The following MGAT4C variants were observed in gnomAD, a reference collection of about 807,000 sequenced individuals.
MGAT4C encodes the protein alpha-1,3-mannosyl-glycoprotein 4-beta-N-acetylglucosaminyltransferase C.
A neutral mutation model predicts 40.1 loss-of-function variants in MGAT4C; 19 were observed. The observed-to-expected ratio is 0.47, with a 90% CI of 0.33 to 0.70. The LOEUF is 0.70. MGAT4C is among the 30% of genes least tolerant of loss of function. The pLI is 0.02. For missense variants in MGAT4C, 491 were observed against 563.2 expected, an observed-to-expected ratio of 0.87 and a Z score of 1.30; for synonymous variants, 181 against 187.1, an observed-to-expected ratio of 0.97 and a Z score of 0.27.
chr12:86,760,519 G>A (rs528662137), intron 1 of MGAT4C, among the ~76,000 whole-genome samples: 149 of 151,946 alleles, frequency 9.8e-4, no homozygotes, highest in Middle Eastern at 6.8e-3. Flanking sequence ...TGATCTTATT[G>A]CCTGAAACAA....
At chr12:86,339,512 C>T (rs1313455431) in intron 3 of MGAT4C, among the ~76,000 whole-genome samples, 1 of 152,100 alleles carries the variant, frequency 6.6e-6, no homozygotes, top group Non-Finnish European at 1.5e-5. Flanking sequence ...ACATGTTTTT[C>T]CTTGATTATT....
chr12:86,365,195 T>G (rs1295418449), intron 3 of MGAT4C, among the ~76,000 whole-genome samples: 1 of 152,168 alleles, frequency 6.6e-6, no homozygotes, highest in Non-Finnish European at 1.5e-5. Flanking sequence ...TCAGCAATAT[T>G]TTTCCCATTT....
intron 2 of MGAT4C, among the ~76,000 whole-genome samples, chr12:86,510,735 A>G (rs1486571638): frequency 6.6e-6 from 1 of 152,220 alleles, no homozygotes; most frequent in Non-Finnish European, 1.5e-5. Context: ...AGATCAAAAG[A>G]GACAAAGAAG....
At chr12:86,783,122 A>G (rs915971924) in intron 1 of MGAT4C, among the ~76,000 whole-genome samples, 2 of 152,208 alleles carry the variant, frequency 1.3e-5, no homozygotes, top group African/African-American at 4.8e-5. Flanking sequence ...GAGCCAGAAA[A>G]GTGTGTGATT....
intron 2 of MGAT4C, among the ~76,000 whole-genome samples, chr12:86,587,993 G>A (rs1267298290): frequency 6.6e-6 from 1 of 151,996 alleles, no homozygotes; most frequent in Non-Finnish European, 1.5e-5. Context: ...ATGTTGAATA[G>A]GAGTGGTGAG....
At chr12:86,081,688 T>C (rs963780192) in intron 1 of MGAT4C, among the ~76,000 whole-genome samples, 10 of 152,090 alleles carry the variant, frequency 6.6e-5, no homozygotes, top group African/African-American at 2.4e-4. Flanking sequence ...AGCTTGCACA[T>C]TGAGGCCTTG....
rs571224365 is a variant in MGAT4C, at chr12:86,614,798, C to T, written c.-229+112411G>A. ...TCACTGTGGAGTTTATGAAGTTCCTCACTTGGATCATTTCCTTCAAGATCC... is the reference window on the plus strand; with the variant it reads ...TCACTGTGGAGTTTATGAAGTTCCTTACTTGGATCATTTCCTTCAAGATCC... On this transcript the variant is annotated intron_variant, in intron 2 of 7. Coordinates refer to the MGAT4C transcript ENST00000548651. Among the ~76,000 whole-genome samples the T allele has an allele frequency of 2.2e-4, 34 of 152,058 alleles. No individual in the cohort carries two copies. In the Middle Eastern group the frequency reaches 0.01, roughly 46 times the overall value.
At chr12:86,020,988 T>G (rs1889661629) in intron 2 of MGAT4C, among the ~76,000 whole-genome samples, 1 of 152,042 alleles carries the variant, frequency 6.6e-6, no homozygotes, top group South Asian at 2.1e-4. Context: ...CATGAAAAAA[T>G]GCTCATCATC....
chr12:86,358,850 A>T (rs1955381732), intron 3 of MGAT4C, among the ~76,000 whole-genome samples: 1 of 152,180 alleles, frequency 6.6e-6, no homozygotes, highest in African/African-American at 2.4e-5. Context: ...ACCTACAAAG[A>T]GACTTGGACT....
intron 1 of MGAT4C, among the ~76,000 whole-genome samples, chr12:86,209,485 T>C (rs1950378260): frequency 6.6e-6 from 1 of 152,174 alleles, no homozygotes; most frequent in African/African-American, 2.4e-5. Flanking sequence ...ATGATTCTTA[T>C]ATTGTCAATC....
rs1275694753 is a variant in MGAT4C at position 86,011,472 on chromosome 12, A to T, written c.-6-21920T>A. 2.6e-5 allele frequency among the ~76,000 whole-genome samples: 4 copies of T among 152,190 alleles called. No individual in the cohort carries two copies. The East Asian group carries it at 7.7e-4, about 29-fold the overall frequency. On this transcript the variant is annotated intron_variant, in intron 2 of 4. Transcript: ENST00000611864. The stretch of plus-strand genomic sequence containing the variant: ...AACAAAGCACATATGATAGGTAGAG[A>T]TTAAGAAAGAATATTTTCTGCCTGA...
At chr12:86,295,972 C>T (rs1331352522) in intron 4 of MGAT4C, among the ~76,000 whole-genome samples, 6 of 145,784 alleles carry the variant, frequency 4.1e-5, no homozygotes, top group Non-Finnish European at 7.5e-5. Flanking sequence ...CAGCTAGATA[C>T]AGAGTGTCAA....
At chr12:86,032,997 C>A (rs990505531) in intron 2 of MGAT4C, among the ~76,000 whole-genome samples, 1 of 149,480 alleles carries the variant, frequency 6.7e-6, no homozygotes, top group African/African-American at 2.4e-5. Context: ...AGCTAGTTAT[C>A]CCAGAACCAT....
intron 1 of MGAT4C, among the ~76,000 whole-genome samples, chr12:86,834,670 A>G (rs1953001369): frequency 6.6e-6 from 1 of 150,382 alleles, no homozygotes; most frequent in African/African-American, 2.4e-5. Flanking sequence ...AGCTGAAATT[A>G]TAACATAGGC....
intron 1 of MGAT4C, among the ~76,000 whole-genome samples, chr12:86,808,452 C>G (rs1952405737): frequency 6.6e-6 from 1 of 151,998 alleles, no homozygotes; most frequent in Non-Finnish European, 1.5e-5. Flanking sequence ...GGCTTCATCC[C>G]CAGGATGCAA....
At chr12:86,232,386 T>A (rs1951359365) in intron 1 of MGAT4C, among the ~76,000 whole-genome samples, 1 of 152,230 alleles carries the variant, frequency 6.6e-6, no homozygotes, top group South Asian at 2.1e-4. Flanking sequence ...TAAAATATAT[T>A]ACCAACTACT....
intron 1 of MGAT4C, among the ~76,000 whole-genome samples, chr12:86,211,649 A>T (rs189363067): frequency 0.021 from 3,220 of 152,052 alleles, 97 homozygotes; most frequent in African/African-American, 0.073. Context: ...GATTACAGCT[A>T]TTTCCAATCT....
chr12:86,623,332 C>T (rs890161299), intron 2 of MGAT4C, among the ~76,000 whole-genome samples: 5 of 152,086 alleles, frequency 3.3e-5, no homozygotes, highest in African/African-American at 1.2e-4. Flanking sequence ...CCTACATTTT[C>T]TAAGATCCAA....
intron 1 of MGAT4C, among the ~76,000 whole-genome samples, chr12:86,142,048 C>G (rs559419685): frequency 1.3e-5 from 2 of 152,110 alleles, no homozygotes; most frequent in Admixed American, 6.6e-5. Context: ...TCTAAGGAAG[C>G]CTCATCAACT....
Sources: gnomAD v4.1 joint callset for allele counts (sites outside exome capture counted in the v4.1 genomes callset) on GRCh38, gnomAD v4.1.1 for gene constraint, MANE v1.5 for transcripts, NCBI Gene and HGNC (gene_info 2026-07-23, HGNC 2026-07-21) for gene names.